PANK1: variants seen among roughly 807,000 people sequenced by gnomAD.
The protein encoded by PANK1 is pantothenate kinase 1.
A neutral mutation model predicts 40.1 loss-of-function variants in PANK1; 18 were observed. The ratio of observed to expected loss-of-function variants is 0.45; its 90% confidence interval spans 0.31 to 0.67. The LOEUF is 0.67. PANK1 is among the 30% of genes least tolerant of loss of function. The probability of loss-of-function intolerance (pLI) is 0.06; values close to 1 mark genes in which losing one functional copy is unlikely to be tolerated. For synonymous variants in PANK1, 242 were observed against 237.7 expected, an observed-to-expected ratio of 1.02 and a Z score of -0.17; for missense variants, 457 against 599.6, an observed-to-expected ratio of 0.76 and a Z score of 2.48.
chr10:89,630,676 T>C (rs1172821832), intron 1 of PANK1, among the ~76,000 whole-genome samples: 1 of 152,152 alleles, frequency 6.6e-6, no homozygotes, highest in African/African-American at 2.4e-5. Context: ...GTATTTTTAG[T>C]AGAGACTGAG....
chr10:89,636,738 A>G (rs1841829399), intron 1 of PANK1, among the ~76,000 whole-genome samples: 1 of 151,280 alleles, frequency 6.6e-6, no homozygotes, highest in South Asian at 2.1e-4. Flanking sequence ...GGCATGAGCC[A>G]CCGCACCCAG....
At chr10:89,592,765 T>G (rs1844438567) in intron 5 of PANK1, 2 of 535,308 alleles carry the variant, frequency 3.7e-6, no homozygotes, top group Admixed American at 1.9e-5. Context: ...TTGATAGCCC[T>G]GTACAATGCT....
At chr10:89,622,115 A>G (rs1455176283) in intron 1 of PANK1, among the ~76,000 whole-genome samples, 1 of 152,244 alleles carries the variant, frequency 6.6e-6, no homozygotes. Flanking sequence ...AGACCTCCAA[A>G]ACCATACTTT....
At chr10:89,633,047 G>A (rs556990477) in intron 1 of PANK1, among the ~76,000 whole-genome samples, 1 of 152,186 alleles carries the variant, frequency 6.6e-6, no homozygotes, top group African/African-American at 2.4e-5. Flanking sequence ...TGTGAACTGT[G>A]TCCCAGTCAC....
intron 1 of PANK1, among the ~76,000 whole-genome samples, chr10:89,636,203 GC>G (rs1288605087): frequency 6.6e-6 from 1 of 152,144 alleles, no homozygotes; most frequent in Non-Finnish European, 1.5e-5. Flanking sequence ...GCCACACACT[GC>G]CCTAGTAAGG....
At chr10:89,643,784 T>G in intron 1 of PANK1, 1 of 1,610,390 alleles carries the variant, frequency 6.2e-7, no homozygotes, top group African/African-American at 1.3e-5. Flanking sequence ...AAACCAGCTG[T>G]AAACTCGACC....
At chr10:89,635,143 T>TATATATAG (rs1554843020) in intron 1 of PANK1, among the ~76,000 whole-genome samples, 1 of 150,968 alleles carries the variant, frequency 6.6e-6, no homozygotes, top group Admixed American at 6.6e-5. Flanking sequence ...TATATATATA[T>TATATATAG]AGAGAGAGAG....
At chr10:89,580,691 T>A (rs1844035549), downstream of PANK1, 3 of 152,392 alleles carry the variant, frequency 2.0e-5, no homozygotes, top group Admixed American at 2.0e-4. Flanking sequence ...TAGAGGCCAC[T>A]ACCCTCACAG....
intron 2 of PANK1, among the ~76,000 whole-genome samples, chr10:89,610,986 T>C (rs1564627216): frequency 1.3e-5 from 2 of 150,852 alleles, no homozygotes; most frequent in African/African-American, 4.9e-5. Context: ...AAGGGAATGC[T>C]AAAAAAAAAA....
intron 3 of PANK1, among the ~76,000 whole-genome samples, chr10:89,599,010 G>T (rs868783548): frequency 6.6e-6 from 1 of 152,074 alleles, no homozygotes; most frequent in African/African-American, 2.4e-5. Context: ...CAAATTTCTG[G>T]TGTGTGCGAT....
rs148215334 is a variant in PANK1 at position 89,616,321 on chromosome 10, G to A, written c.293-4273C>T. On this transcript the variant is annotated intron_variant, in intron 1 of 6. Transcript: ENST00000307534. ...GATAAATTTCTATACATTGCATGAG[G>A]AGACATACACAAAAATGTTCACTGC... Among the ~76,000 whole-genome samples, 381 of 152,254 alleles carry A rather than the reference G, an allele frequency of 2.5e-3. 9 individuals are homozygous for A. The highest frequency in any genetic ancestry group is 0.014 in the Middle Eastern group (4 of 294).
intron 1 of PANK1, among the ~76,000 whole-genome samples, chr10:89,631,994 G>A (rs1011892925): frequency 7.6e-6 from 1 of 130,760 alleles, no homozygotes; most frequent in Non-Finnish European, 1.7e-5. Context: ...TTTTAAAAAG[G>A]GTTCTTTTCT....
intron 3 of PANK1, among the ~76,000 whole-genome samples, chr10:89,595,850 A>G (rs1337377672): frequency 1.9e-5 from 2 of 103,666 alleles, no homozygotes; most frequent in South Asian, 3.2e-4. Flanking sequence ...ATATATATAT[A>G]TATATATATA....
At chr10:89,593,715 G>T in intron 4 of PANK1, 98 bp downstream of exon 4, 2 of 864,416 alleles carry the variant, frequency 2.3e-6, no homozygotes, top group Non-Finnish European at 3.8e-6. Context: ...TCTGCACCAG[G>T]CTGGTGGACT....
chr10:89,644,676 C>T lies in PANK1; in HGVS notation c.216G>A (p.Leu72=), dbSNP rs1178398831. Residue 72 remains leucine, a synonymous_variant, in exon 1 of 7, where the codon CTG becomes CTA. Transcript: ENST00000307534. ...TGGCCGGGGAGTCATGCTGAGGGAGCAGTGGCTGCGGCTGCAGCTCCGGCA... is the reference window on the plus strand; with the variant it reads ...TGGCCGGGGAGTCATGCTGAGGGAGTAGTGGCTGCGGCTGCAGCTCCGGCA... The part of the protein sequence containing the change: ...PLLPELQPQP[L]LPQHDSPAKK... 6.4e-7 allele frequency: 1 copy of T among 1,563,680 alleles called. No homozygotes were observed. The highest frequency in any genetic ancestry group is 1.8e-5 in the Admixed American group (1 of 56,886).
Position 89,644,969 on chromosome 10 carries a change from C to T in PANK1, c.-78G>A, listed in dbSNP as rs201260143. 1.1e-3 allele frequency: 1,740 copies of T among 1,575,436 alleles called. 14 individuals are homozygous for T. Among genetic ancestry groups the T allele is most frequent in the Non-Finnish European group, 2.2e-4 (251 of 1,164,080 alleles). The stretch of plus-strand genomic sequence containing the variant: ...AGGTCATTCTCCGGCGTCTTTATTT[C>T]CCCGGATCCTCCCTGCGGCTTCCGA... On this transcript the variant is annotated 5_prime_UTR_variant, in exon 1 of 7. Transcript: ENST00000307534.
chr10:89,600,494 CT>C (rs1405967489), intron 2 of PANK1, among the ~76,000 whole-genome samples: 2 of 152,230 alleles, frequency 1.3e-5, no homozygotes, highest in East Asian at 3.8e-4. Context: ...TCATTGCACA[CT>C]GTTGCTGTGA....
chr10:89,596,790 T>TCATG (rs1368945274), intron 3 of PANK1, among the ~76,000 whole-genome samples: 2 of 152,208 alleles, frequency 1.3e-5, no homozygotes. Flanking sequence ...AATTAAGTGC[T>TCATG]CATGCCCTTA....
chr10:89,633,987 CAA>C (rs1222716023), intron 1 of PANK1, among the ~76,000 whole-genome samples: 7 of 151,518 alleles, frequency 4.6e-5, no homozygotes, highest in Admixed American at 2.0e-4. Flanking sequence ...GAGGAGAACC[CAA>C]AAAAAGAGTC....
Sources: gnomAD v4.1 joint callset for allele counts (sites outside exome capture counted in the v4.1 genomes callset) on GRCh38, gnomAD v4.1.1 for gene constraint, MANE v1.5 for transcripts, NCBI Gene and HGNC (gene_info 2026-07-23, HGNC 2026-07-21) for gene names.